The following PTPRR variants were observed in gnomAD, a reference collection of about 807,000 sequenced individuals.
PTPRR encodes protein tyrosine phosphatase receptor type R.
A neutral mutation model predicts 77.2 loss-of-function variants in PTPRR; 38 were observed. The observed-to-expected ratio is 0.49, with a 90% confidence interval of 0.38 to 0.65. The LOEUF is 0.65. PTPRR is among the 30% of genes least tolerant of loss of function. PTPRR has a pLI of 0.00. For missense variants in PTPRR, 744 were observed against 799.2 expected (o/e 0.93, Z 0.83); for synonymous variants, 299 against 283.1 (o/e 1.06, Z -0.57).
intron 2 of PTPRR, among the ~76,000 whole-genome samples, chr12:70,781,519 T>A (rs1891202211): frequency 1.3e-5 from 2 of 152,242 alleles, no homozygotes; most frequent in Non-Finnish European, 2.9e-5. Context: ...GCAACTCACA[T>A]GAAAAGTGCA....
intron 2 of PTPRR, among the ~76,000 whole-genome samples, chr12:70,883,395 T>C (rs1893182360): frequency 6.6e-6 from 1 of 152,224 alleles, no homozygotes; most frequent in Non-Finnish European, 1.5e-5. Flanking sequence ...TTCCCCAGTC[T>C]TACCACTTCT....
intron 1 of PTPRR, among the ~76,000 whole-genome samples, chr12:70,915,750 G>A (rs1419819939): frequency 2.0e-5 from 3 of 152,160 alleles, no homozygotes; most frequent in Admixed American, 6.5e-5. Context: ...GGCATGTGAG[G>A]CAACATGAGT....
chr12:70,870,698 C>T (rs1050559571), intron 2 of PTPRR, among the ~76,000 whole-genome samples: 14 of 152,330 alleles, frequency 9.2e-5, no homozygotes, highest in East Asian at 7.7e-4. Context: ...ACTATCATGT[C>T]CAATATGTAC....
In PTPRR at chr12:70,754,425, C is replaced by A. The variant is rs956302981; in HGVS notation, c.628-124G>T. The stretch of plus-strand genomic sequence containing the variant: ...GTGTAGTGCAACACACCTACACCCC[C>A]CGCTGCCAGAGCTGCTTCTCAAACT... On this transcript the variant is annotated intron_variant, in intron 4 of 13. Coordinates refer to ENST00000283228, the MANE Select transcript of PTPRR (RefSeq NM_002849.4). 13 of 1,564,452 alleles carry A rather than the reference C, an allele frequency of 8.3e-6. No homozygotes were observed. The South Asian group carries it at 1.5e-4, about 18-fold the overall frequency.
chr12:70,642,238 C>CT (rs1249155166), intron 13 of PTPRR, among the ~76,000 whole-genome samples: 1 of 151,864 alleles, frequency 6.6e-6, no homozygotes, highest in Non-Finnish European at 1.5e-5. Context: ...GTCAACAAGA[C>CT]TTTTTTTGAA....
At chr12:70,779,535 TTTC>T (rs749046265) in intron 2 of PTPRR, among the ~76,000 whole-genome samples, 22 of 152,190 alleles carry the variant, frequency 1.4e-4, no homozygotes, top group Non-Finnish European at 2.4e-4. Context: ...CCTGCTTTCT[TTTC>T]CTCATAGCAT....
chr12:70,904,024 G>A (rs1187476623), intron 1 of PTPRR, among the ~76,000 whole-genome samples: 10 of 151,768 alleles, frequency 6.6e-5, no homozygotes, highest in Non-Finnish European at 1.3e-4. Context: ...TAAAAATTGT[G>A]ATATGATATT....
At chr12:70,798,115 T>C (rs1346357201) in intron 2 of PTPRR, among the ~76,000 whole-genome samples, 1 of 152,212 alleles carries the variant, frequency 6.6e-6, no homozygotes, top group Non-Finnish European at 1.5e-5. Flanking sequence ...AAACCTGTTA[T>C]TCTAACATTC....
intron 1 of PTPRR, among the ~76,000 whole-genome samples, chr12:70,899,271 A>T (rs1334465043): frequency 6.6e-6 from 1 of 151,482 alleles, no homozygotes; most frequent in African/African-American, 2.4e-5. Flanking sequence ...ATCCTAAAAA[A>T]AAACACTATA....
At chr12:70,682,075 G>A (rs1277898654) in intron 10 of PTPRR, among the ~76,000 whole-genome samples, 8 of 109,252 alleles carry the variant, frequency 7.3e-5, no homozygotes, top group African/African-American at 1.8e-4. Context: ...ACGGAGTCTC[G>A]CTCTGTCGCC....
At chr12:70,714,857 T>G (rs1342114671) in intron 6 of PTPRR, among the ~76,000 whole-genome samples, 2 of 151,920 alleles carry the variant, frequency 1.3e-5, no homozygotes, top group African/African-American at 4.8e-5. Context: ...TGGTGGTGTG[T>G]TCCTGTAGTT....
intron 1 of PTPRR, among the ~76,000 whole-genome samples, chr12:70,918,345 C>T (rs1893804865): frequency 6.6e-6 from 1 of 152,150 alleles, no homozygotes; most frequent in South Asian, 2.1e-4. Flanking sequence ...AATATGAATA[C>T]AATGAATAGT....
chr12:70,646,612 G>A (rs1372560), intron 13 of PTPRR, among the ~76,000 whole-genome samples: 56,153 of 151,956 alleles, frequency 0.37, 13,541 homozygotes, highest in African/African-American at 0.66. Flanking sequence ...ACCTCTTGTT[G>A]TGATCTCAGG....
chr12:70,788,912 A>T (rs1891376453), intron 2 of PTPRR: 1 of 1,462,118 alleles, frequency 6.8e-7, no homozygotes, highest in Non-Finnish European at 9.0e-7. Context: ...ACTAATCGTA[A>T]AGCTTTCTAA....
chr12:70,668,883 CA>C (rs1887110812), intron 10 of PTPRR, among the ~76,000 whole-genome samples: 1 of 151,924 alleles, frequency 6.6e-6, no homozygotes, highest in South Asian at 2.1e-4. Flanking sequence ...TTTATATTTC[CA>C]AAAAAACTTT....
rs61539990 is a variant in PTPRR, at chr12:70,821,213, C to CTTTTTTTTTTTTTTTTTTTTTTTTTTTTT, written c.358-56464_358-56436dup. Among the ~76,000 whole-genome samples the CTTTTTTTTTTTTTTTTTTTTTTTTTTTTT allele has an allele frequency of 2.8e-4, 9 of 31,990 alleles. 3 individuals are homozygous for CTTTTTTTTTTTTTTTTTTTTTTTTTTTTT. Among genetic ancestry groups the CTTTTTTTTTTTTTTTTTTTTTTTTTTTTT allele is most frequent in the Non-Finnish European group, 4.9e-4 (8 of 16,356 alleles). 21.0% of individuals were successfully genotyped at this position (31,990 alleles called of 152,430 possible). Reference sequence around the variant, plus strand: ...CAAAACATGTTGAAAGGGATCACTGCTTTTTTTTTTTTTTTTTTTTTTTTT... The same window carrying CTTTTTTTTTTTTTTTTTTTTTTTTTTTTT: ...CAAAACATGTTGAAAGGGATCACTGCTTTTTTTTTTTTTTTTTTTTTTTTTTTTTTTTTTTTTTTTTTTTTTTTTTTTTT... On this transcript the variant is annotated intron_variant, in intron 2 of 13. Coordinates refer to ENST00000283228, the MANE Select transcript of PTPRR (RefSeq NM_002849.4).
At chr12:70,804,878 G>A (rs959687085) in intron 2 of PTPRR, among the ~76,000 whole-genome samples, 4 of 152,110 alleles carry the variant, frequency 2.6e-5, no homozygotes, top group Non-Finnish European at 5.9e-5. Flanking sequence ...CAAAAAGAAA[G>A]TTTTAGTTTC....
At chr12:70,798,443 A>C (rs969853937) in intron 2 of PTPRR, among the ~76,000 whole-genome samples, 7 of 152,210 alleles carry the variant, frequency 4.6e-5, no homozygotes, top group Non-Finnish European at 8.8e-5. Context: ...TTATCTATTC[A>C]GTGCAGAAAC....
chr12:70,675,925 TA>T, intron 10 of PTPRR, among the ~76,000 whole-genome samples: 1 of 151,042 alleles, frequency 6.6e-6, no homozygotes, highest in Middle Eastern at 3.4e-3. Flanking sequence ...CTGGTGGGAG[TA>T]ATTACTTTCT....
Sources: allele counts gnomAD v4.1 joint callset (sites outside exome capture counted in the v4.1 genomes callset), GRCh38; gene constraint gnomAD v4.1.1; transcripts MANE v1.5; gene names NCBI Gene and HGNC (gene_info 2026-07-23, HGNC 2026-07-21).